The following MAGI2 variants were observed in gnomAD, a reference collection of about 807,000 sequenced individuals.
MAGI2 encodes membrane-associated guanylate kinase, WW and PDZ domain-containing protein 2.
MAGI2 carries 35 observed loss-of-function variants against 133.3 expected under a neutral mutation model. The observed-to-expected ratio is 0.26, with a 90% CI of 0.20 to 0.35. The LOEUF (loss-of-function observed/expected upper bound fraction) is 0.35, where lower values mean the gene tolerates loss of function less well. Among genes scored for constraint, MAGI2 ranks in the 10% least tolerant of loss-of-function variants. The pLI, the probability that MAGI2 is intolerant of heterozygous loss-of-function variation, is 1.00. For synonymous variants in MAGI2, 729 were observed against 710.6 expected, an observed-to-expected ratio of 1.03 and a Z score of -0.41; for missense variants, 1,636 against 1,863.4, an observed-to-expected ratio of 0.88 and a Z score of 2.25.
At chr7:78,464,640 A>G (rs1790423606) in intron 6 of MAGI2, among the ~76,000 whole-genome samples, 1 of 152,174 alleles carries the variant, frequency 6.6e-6, no homozygotes, top group Admixed American at 6.5e-5. Flanking sequence ...ATTTTAGAAA[A>G]AAGTTATTCT....
intron 1 of MAGI2, among the ~76,000 whole-genome samples, chr7:79,027,513 A>G (rs1426138318): frequency 1.3e-5 from 2 of 152,046 alleles, no homozygotes; most frequent in Admixed American, 1.3e-4. Flanking sequence ...CTGAACTCAT[A>G]GAAGCCAAGA....
chr7:78,056,069 C>A (rs1333520974), intron 21 of MAGI2, among the ~76,000 whole-genome samples: 1 of 152,132 alleles, frequency 6.6e-6, no homozygotes, highest in East Asian at 1.9e-4. Flanking sequence ...ATCCATTGAA[C>A]TCACCCTTTC....
At chr7:78,386,004 T>C (rs117189901) in intron 6 of MAGI2, among the ~76,000 whole-genome samples, 8,285 of 151,738 alleles carry the variant, frequency 0.055, 322 homozygotes, top group South Asian at 0.096. Flanking sequence ...CTTCCCCCCC[T>C]AGCTCAAACA....
intron 1 of MAGI2, among the ~76,000 whole-genome samples, chr7:79,167,284 C>T (rs1338554504): frequency 1.3e-5 from 2 of 150,680 alleles, no homozygotes; most frequent in Admixed American, 1.3e-4. Flanking sequence ...TTGAAATAGC[C>T]CCTCCACTCC....
At chr7:79,053,863 AC>A (rs1204369405) in intron 1 of MAGI2, among the ~76,000 whole-genome samples, 1 of 152,230 alleles carries the variant, frequency 6.6e-6, no homozygotes, top group Non-Finnish European at 1.5e-5. Context: ...AAGAAGCATG[AC>A]TAAATCCTTC....
chr7:78,455,563 A>T (rs1408886405), intron 6 of MAGI2, among the ~76,000 whole-genome samples: 4 of 152,180 alleles, frequency 2.6e-5, no homozygotes, highest in Admixed American at 1.3e-4. Flanking sequence ...ACCCACAAAA[A>T]TATCCTGAAA....
chr7:78,879,841 T>G (rs1032635717), intron 2 of MAGI2, among the ~76,000 whole-genome samples: 7 of 152,052 alleles, frequency 4.6e-5, no homozygotes, highest in Non-Finnish European at 8.8e-5. Flanking sequence ...AAACTTTTAA[T>G]CAATCCAGAA....
At position 78,692,518 on chromosome 7, in the gene MAGI2, G is replaced by A. The variant is rs562022601; in HGVS notation, c.419-65279C>T. 4.0e-5 allele frequency among the ~76,000 whole-genome samples: 6 copies of A among 148,524 alleles called. No individual in the cohort carries two copies. The East Asian group carries it at 1.2e-3, about 29-fold the overall frequency. ...TAAGTCTGCTCTCGTTTCATTTTAA[G>A]TCTTTAGGATTCGATTAAGTGTTAA... is the stretch of plus-strand genomic sequence containing the variant. On this transcript the variant is annotated intron_variant, in intron 2 of 21. Coordinates refer to ENST00000354212, the MANE Select transcript of MAGI2 (RefSeq NM_012301.4).
intron 2 of MAGI2, among the ~76,000 whole-genome samples, chr7:78,713,244 C>T (rs1473250732): frequency 6.6e-6 from 1 of 152,034 alleles, no homozygotes; most frequent in Non-Finnish European, 1.5e-5. Context: ...AATGTTTATT[C>T]CTTTGGGGTA....
intron 9 of MAGI2, among the ~76,000 whole-genome samples, chr7:78,307,590 T>C (rs546466647): frequency 6.6e-5 from 10 of 152,142 alleles, no homozygotes; most frequent in Non-Finnish European, 1.3e-4. Flanking sequence ...AGCAGTAATA[T>C]TGCCCCAGAT....
At chr7:78,142,532 T>C (rs1166457189) in intron 16 of MAGI2, among the ~76,000 whole-genome samples, 1 of 152,216 alleles carries the variant, frequency 6.6e-6, no homozygotes, top group Non-Finnish European at 1.5e-5. Flanking sequence ...ACATATTTAT[T>C]GAAGAGGTCT....
intron 3 of MAGI2, among the ~76,000 whole-genome samples, chr7:78,609,627 G>T (rs1057072831): frequency 6.6e-6 from 1 of 152,144 alleles, no homozygotes; most frequent in Non-Finnish European, 1.5e-5. Flanking sequence ...TGTTATTGAT[G>T]ACTACCTTCT....
chr7:78,490,285 G>A (rs1793481283), intron 5 of MAGI2, among the ~76,000 whole-genome samples: 1 of 152,064 alleles, frequency 6.6e-6, no homozygotes, highest in Non-Finnish European at 1.5e-5. Flanking sequence ...GGCAGAGGCA[G>A]TACAAAAGTG....
intron 6 of MAGI2, among the ~76,000 whole-genome samples, chr7:78,414,194 C>T (rs1034378025): frequency 8.6e-5 from 13 of 151,414 alleles, no homozygotes; most frequent in Admixed American, 7.3e-4. Context: ...CATAAATGCC[C>T]GTAAATAAGG....
intron 3 of MAGI2, among the ~76,000 whole-genome samples, chr7:78,545,842 T>C (rs1217983461): frequency 6.6e-6 from 1 of 152,222 alleles, no homozygotes; most frequent in Non-Finnish European, 1.5e-5. Context: ...TGTATGGTGT[T>C]TATAATCCCT....
intron 1 of MAGI2, among the ~76,000 whole-genome samples, chr7:79,238,291 C>T (rs1832088946): frequency 6.6e-6 from 1 of 151,922 alleles, no homozygotes; most frequent in Non-Finnish European, 1.5e-5. Flanking sequence ...TACTCTATTT[C>T]CTTCATCAAA....
chr7:79,410,137 G>A (rs925838413), intron 1 of MAGI2: 1 of 151,950 alleles, frequency 6.6e-6, no homozygotes, highest in East Asian at 1.9e-4. Flanking sequence ...CTGTACAGGC[G>A]ACATTCTAAG....
intron 1 of MAGI2, among the ~76,000 whole-genome samples, chr7:79,107,443 A>T (rs1242637291): frequency 6.6e-6 from 1 of 152,212 alleles, no homozygotes; most frequent in Non-Finnish European, 1.5e-5. Flanking sequence ...AGAGGATCCC[A>T]GGTGGTAGGC....
At chr7:79,152,611 C>G (rs1203122108) in intron 1 of MAGI2, among the ~76,000 whole-genome samples, 1 of 152,068 alleles carries the variant, frequency 6.6e-6, no homozygotes, top group Non-Finnish European at 1.5e-5. Flanking sequence ...TATCAGAGCT[C>G]CAGGGAGGCG....
Sources: gnomAD v4.1 joint callset for allele counts (sites outside exome capture counted in the v4.1 genomes callset) on GRCh38, gnomAD v4.1.1 for gene constraint, MANE v1.5 for transcripts, NCBI Gene and HGNC (gene_info 2026-07-23, HGNC 2026-07-21) for gene names.